NSMCE2: variants seen among roughly 807,000 people sequenced by gnomAD.
The protein encoded by NSMCE2 is NSE2 SUMO ligase component of SMC5/6 complex, also known as E3 SUMO-protein ligase NSE2.
NSMCE2 carries 24 observed loss-of-function variants against 23.8 expected under a neutral mutation model. That is an observed-to-expected ratio of 1.01 (90% confidence interval 0.73 to 1.42). NSMCE2 has a LOEUF of 1.42. NSMCE2 is among the 40% of genes most tolerant of loss of function. The pLI, the probability that NSMCE2 is intolerant of heterozygous loss-of-function variation, is 0.00. For synonymous variants in NSMCE2, 92 were observed against 94.1 expected (o/e 0.98, Z 0.13); for missense variants, 284 against 296.5 (o/e 0.96, Z 0.31).
At chr8:125,361,633 GGTCTGGA>G (rs1214514959) in intron 7 of NSMCE2, among the ~76,000 whole-genome samples, 3 of 152,136 alleles carry the variant, frequency 2.0e-5, no homozygotes, top group African/African-American at 7.2e-5. Flanking sequence ...TTCCATTCTA[GGTCTGGA>G]CCAGCACATT....
chr8:125,260,188 A>G (rs1341477777), intron 5 of NSMCE2, among the ~76,000 whole-genome samples: 2 of 152,200 alleles, frequency 1.3e-5, no homozygotes, highest in African/African-American at 4.8e-5. Flanking sequence ...GTGGGAGGAC[A>G]TATCTCTGAT....
chr8:125,357,641 G>A (rs1308111317), intron 6 of NSMCE2, 71 bp from the exon 7 acceptor site: 8 of 1,134,860 alleles, frequency 7.0e-6, no homozygotes, highest in Non-Finnish European at 1.1e-5. Flanking sequence ...GAAAGCTCAG[G>A]ACTAGGACGA....
intron 3 of NSMCE2, chr8:125,130,456 G>C (rs1339522678): frequency 9.2e-6 from 2 of 218,480 alleles, no homozygotes; most frequent in Non-Finnish European, 2.0e-5. Context: ...CCTCCTGGAG[G>C]AGTAATTATC....
At chr8:125,295,790 G>C (rs1010801481) in intron 5 of NSMCE2, among the ~76,000 whole-genome samples, 1 of 152,172 alleles carries the variant, frequency 6.6e-6, no homozygotes, top group African/African-American at 2.4e-5. Context: ...TACATTTATA[G>C]AGCTGGATTT....
At chr8:125,353,767 C>A (rs1813134727) in intron 5 of NSMCE2, among the ~76,000 whole-genome samples, 1 of 151,648 alleles carries the variant, frequency 6.6e-6, no homozygotes, top group Non-Finnish European at 1.5e-5. Flanking sequence ...CCTGTAGTCC[C>A]AGCTATTTGG....
intron 5 of NSMCE2, among the ~76,000 whole-genome samples, chr8:125,308,341 C>A (rs1315945580): frequency 6.6e-6 from 1 of 152,092 alleles, no homozygotes; most frequent in South Asian, 2.1e-4. Context: ...CTAAGTAAAA[C>A]CTTTTCTGTG....
intron 5 of NSMCE2, among the ~76,000 whole-genome samples, chr8:125,198,284 T>C (rs984889066): frequency 1.5e-4 from 23 of 152,206 alleles, no homozygotes; most frequent in African/African-American, 5.5e-4. Context: ...AAGGGAATGC[T>C]TCCAGTTTTT....
intron 5 of NSMCE2, among the ~76,000 whole-genome samples, chr8:125,294,855 G>A (rs566080279): frequency 6.6e-6 from 1 of 152,172 alleles, no homozygotes; most frequent in Non-Finnish European, 1.5e-5. Flanking sequence ...GGATAATCCA[G>A]ACAGCACTTT....
chr8:125,350,540 A>G (rs1036903382), intron 5 of NSMCE2, among the ~76,000 whole-genome samples: 2 of 152,206 alleles, frequency 1.3e-5, no homozygotes, highest in Non-Finnish European at 2.9e-5. Flanking sequence ...GGCAAGAAAA[A>G]GAGGTTTAAT....
At chr8:125,285,322 C>T (rs369210820) in intron 5 of NSMCE2, among the ~76,000 whole-genome samples, 1 of 152,278 alleles carries the variant, frequency 6.6e-6, no homozygotes, top group South Asian at 2.1e-4. Flanking sequence ...AAGTTTTCAT[C>T]ACATTCAGTG....
chr8:125,095,369 A>C (rs1817878774), intron 1 of NSMCE2, among the ~76,000 whole-genome samples: 1 of 152,030 alleles, frequency 6.6e-6, no homozygotes, highest in Admixed American at 6.6e-5. Context: ...TGGGAGGATC[A>C]CTTGAGCTCA....
intron 5 of NSMCE2, among the ~76,000 whole-genome samples, chr8:125,350,585 C>A (rs1036008834): frequency 6.6e-6 from 1 of 152,186 alleles, no homozygotes; most frequent in Non-Finnish European, 1.5e-5. Flanking sequence ...GGAGGCCTCA[C>A]AATCATGGCA....
At position 125,140,508 on chromosome 8, in the gene NSMCE2, C is replaced by T. The variant is rs534301043; in HGVS notation, c.158-10663C>T. Among the ~76,000 whole-genome samples, 7 of 152,162 alleles carry T rather than the reference C, an allele frequency of 4.6e-5. No individual in the cohort carries two copies. The East Asian group carries it at 1.4e-3, about 29-fold the overall frequency. On this transcript the variant is annotated intron_variant, in intron 3 of 7. Coordinates refer to ENST00000287437, the MANE Select transcript of NSMCE2 (RefSeq NM_173685.4). Reference sequence around the variant, plus strand: ...TGAAACCCCATCTCTACTGAAAATACAAAAATTAGCTGGGCGTGGTAGTGG... The same window carrying T: ...TGAAACCCCATCTCTACTGAAAATATAAAAATTAGCTGGGCGTGGTAGTGG...
At chr8:125,300,734 T>G (rs1586738576) in intron 5 of NSMCE2, among the ~76,000 whole-genome samples, 1 of 152,030 alleles carries the variant, frequency 6.6e-6, no homozygotes, top group African/African-American at 2.4e-5. Context: ...CAAGGTGCTT[T>G]GAGAGTAGAA....
chr8:125,236,877 C>G (rs555555124), intron 5 of NSMCE2, among the ~76,000 whole-genome samples: 10 of 151,548 alleles, frequency 6.6e-5, no homozygotes, highest in African/African-American at 2.2e-4. Context: ...AGACCTGTCA[C>G]GTTTATTTTT....
At chr8:125,366,420 G>A (rs1394935310) in intron 7 of NSMCE2, among the ~76,000 whole-genome samples, 1 of 152,052 alleles carries the variant, frequency 6.6e-6, no homozygotes, top group Non-Finnish European at 1.5e-5. Flanking sequence ...GGTGCCTGTA[G>A]TCCCAGCTAC....
intron 5 of NSMCE2, among the ~76,000 whole-genome samples, chr8:125,256,298 A>T (rs1257057858): frequency 6.6e-6 from 1 of 151,616 alleles, no homozygotes; most frequent in Non-Finnish European, 1.5e-5. Context: ...AAAAAAAAAA[A>T]CTAACTGATT....
intron 5 of NSMCE2, among the ~76,000 whole-genome samples, chr8:125,314,171 C>T (rs1829083383): frequency 6.6e-6 from 1 of 152,212 alleles, no homozygotes; most frequent in South Asian, 2.1e-4. Context: ...ATCTAAGCAG[C>T]AGGCCAATTC....
intron 4 of NSMCE2, among the ~76,000 whole-genome samples, chr8:125,151,762 T>TA (rs1821043801): frequency 6.6e-6 from 1 of 152,204 alleles, no homozygotes; most frequent in South Asian, 2.1e-4. Flanking sequence ...AAGCCAAACT[T>TA]ATCTTTGTTG....
Sources: gnomAD v4.1 joint callset for allele counts (sites outside exome capture counted in the v4.1 genomes callset) on GRCh38, gnomAD v4.1.1 for gene constraint, MANE v1.5 for transcripts, NCBI Gene and HGNC (gene_info 2026-07-23, HGNC 2026-07-21) for gene names.